DNAJC12: variants seen among roughly 807,000 people sequenced by gnomAD.
DNAJC12 encodes the protein dnaJ homolog subfamily C member 12.
DNAJC12 carries 25 observed loss-of-function variants against 28.5 expected under a neutral mutation model. The observed-to-expected ratio is 0.88, with a 90% CI of 0.64 to 1.22. DNAJC12 has a LOEUF of 1.22. DNAJC12 is among the 50% of genes most tolerant of loss of function. The probability of loss-of-function intolerance (pLI) is 0.00; values close to 1 mark genes in which losing one functional copy is unlikely to be tolerated. For missense variants in DNAJC12, 222 were observed against 231.7 expected, an observed-to-expected ratio of 0.96 and a Z score of 0.27; for synonymous variants, 77 against 80.6, an observed-to-expected ratio of 0.95 and a Z score of 0.24.
intron 2 of DNAJC12, among the ~76,000 whole-genome samples, chr10:67,817,773 G>A (rs1295457274): frequency 2.0e-5 from 3 of 151,994 alleles, no homozygotes; most frequent in Admixed American, 2.0e-4. Context: ...GGCTACTCAA[G>A]AGGCTGAGGC....
chr10:67,803,785 T>G (rs1841772439), intron 4 of DNAJC12, among the ~76,000 whole-genome samples: 1 of 152,260 alleles, frequency 6.6e-6, no homozygotes, highest in South Asian at 2.1e-4. Flanking sequence ...TGTGTTTGCT[T>G]AAAACACTGT....
chr10:67,804,312 T>TCTCCC (rs1841777623), intron 4 of DNAJC12, among the ~76,000 whole-genome samples: 1 of 152,176 alleles, frequency 6.6e-6, no homozygotes, highest in African/African-American at 2.4e-5. Flanking sequence ...TTTTTATGTA[T>TCTCCC]CTCCCCATTT....
intron 2 of DNAJC12, among the ~76,000 whole-genome samples, chr10:67,817,619 G>A (rs1841928432): frequency 6.6e-6 from 1 of 152,114 alleles, no homozygotes; most frequent in African/African-American, 2.4e-5. Context: ...GCTCACTCCT[G>A]TAATCCCAGC....
intron 2 of DNAJC12, among the ~76,000 whole-genome samples, chr10:67,819,321 C>T (rs1295428500): frequency 9.4e-5 from 14 of 149,428 alleles, no homozygotes; most frequent in East Asian, 6.1e-4. Flanking sequence ...GGCGACAGAG[C>T]GAGAAGCCGT....
At chr10:67,798,040 A>G (rs1395735220) in intron 4 of DNAJC12, among the ~76,000 whole-genome samples, 1 of 124,252 alleles carries the variant, frequency 8.0e-6, no homozygotes, top group Non-Finnish European at 1.6e-5. Flanking sequence ...ATTCTGTCTC[A>G]GAAAAAAAAA....
intron 2 of DNAJC12, among the ~76,000 whole-genome samples, chr10:67,820,584 T>C (rs1306021955): frequency 6.6e-6 from 1 of 152,048 alleles, no homozygotes; most frequent in African/African-American, 2.4e-5. Flanking sequence ...TATTTGCTCA[T>C]AGTACCTTAA....
chr10:67,817,953 A>G (rs1171225402), intron 2 of DNAJC12, among the ~76,000 whole-genome samples: 2 of 152,198 alleles, frequency 1.3e-5, no homozygotes, highest in Admixed American at 1.3e-4. Context: ...CTGTAATCCC[A>G]GCACTTTGGG....
In DNAJC12 at chr10:67,797,120, A is replaced by G; in HGVS notation, c.593T>C (p.Ile198Thr). 2 of 1,612,690 alleles carry G rather than the reference A, an allele frequency of 1.2e-6. No homozygotes were observed. The highest frequency in any genetic ancestry group is 1.7e-6 in the Non-Finnish European group (2 of 1,179,126). Residue 198 changes from isoleucine to threonine, a missense_variant, in exon 5 of 5, where the codon ATA (isoleucine) becomes ACA (threonine). Physicochemically the swap from Ile to Thr is moderately conservative, Grantham distance 89 (BLOSUM62 -1). Coordinates refer to ENST00000225171, the MANE Select transcript of DNAJC12 (RefSeq NM_021800.3). ...ATTTTTTGAAGCAGAGATATTTCAT[A>G]TTTCATAGTTTCTGAACTTCCTCAG... Reference protein sequence around the residue: ...ELLRKFRNYEI With the variant: ...ELLRKFRNYET
chr10:67,812,784 A>G (rs1250389145), intron 2 of DNAJC12, among the ~76,000 whole-genome samples: 1 of 151,382 alleles, frequency 6.6e-6, no homozygotes, highest in Middle Eastern at 3.2e-3. Context: ...CCTGGGAGGC[A>G]GAGGTTGCAG....
chr10:67,819,780 GGAAGGAAGGAAGGA>G (rs1841965034), intron 2 of DNAJC12, among the ~76,000 whole-genome samples: 1 of 1,496 alleles, frequency 6.7e-4, no homozygotes, highest in Non-Finnish European at 4.3e-3. Flanking sequence ...GGAAGGAAGG[GGAAGGAAGGAAGGA>G]AGGAAGGAAG....
At chr10:67,820,050 G>A (rs1841967987) in intron 2 of DNAJC12, among the ~76,000 whole-genome samples, 1 of 152,174 alleles carries the variant, frequency 6.6e-6, no homozygotes, top group African/African-American at 2.4e-5. Context: ...CCCAACTGAT[G>A]GTCAGCTGAG....
At chr10:67,820,978 T>A (rs1841976168) in intron 2 of DNAJC12, among the ~76,000 whole-genome samples, 1 of 151,752 alleles carries the variant, frequency 6.6e-6, no homozygotes, top group African/African-American at 2.4e-5. Context: ...AGACACAGTT[T>A]CTCCATGTTG....
chr10:67,831,841 T>A (rs536297627), intron 1 of DNAJC12, among the ~76,000 whole-genome samples: 1 of 152,250 alleles, frequency 6.6e-6, no homozygotes, highest in Non-Finnish European at 1.5e-5. Context: ...TACTTGATCA[T>A]AGACTGACAG....
At chr10:67,807,955 C>T (rs1841819605) in intron 3 of DNAJC12, among the ~76,000 whole-genome samples, 1 of 152,158 alleles carries the variant, frequency 6.6e-6, no homozygotes, top group South Asian at 2.1e-4. Context: ...AAGAAATATC[C>T]AAACTGTATC....
chr10:67,830,158 A>G (rs1306760283), intron 1 of DNAJC12, among the ~76,000 whole-genome samples: 1 of 151,996 alleles, frequency 6.6e-6, no homozygotes, highest in African/African-American at 2.4e-5. Context: ...TGTCTCTACT[A>G]AAAATTAAAA....
chr10:67,831,504 A>C (rs7918428), intron 1 of DNAJC12, among the ~76,000 whole-genome samples: 111,119 of 152,082 alleles, frequency 0.73, 41,384 homozygotes, highest in Non-Finnish European at 0.8. Flanking sequence ...TTGGATGAAT[A>C]TTCTCCAAGA....
intron 2 of DNAJC12, among the ~76,000 whole-genome samples, chr10:67,818,338 T>C (rs905595352): frequency 2.0e-5 from 3 of 152,220 alleles, no homozygotes; most frequent in Non-Finnish European, 4.4e-5. Flanking sequence ...AAACAACCTC[T>C]ACCCAAAGGT....
chr10:67,812,726 C>T (rs940482753), intron 2 of DNAJC12, among the ~76,000 whole-genome samples: 35 of 150,628 alleles, frequency 2.3e-4, no homozygotes, highest in East Asian at 1.6e-3. Context: ...TGGTGGCAGG[C>T]GCCTGTATTC....
intron 2 of DNAJC12, among the ~76,000 whole-genome samples, chr10:67,819,660 GAGAAAGAA>G (rs60688341): frequency 0.03 from 1,043 of 34,618 alleles, 88 homozygotes; most frequent in East Asian, 0.12. Flanking sequence ...AAGAAAGAAA[GAGAAAGAA>G]AGAAAGAAAG....
Sources: gnomAD v4.1 joint callset for allele counts (sites outside exome capture counted in the v4.1 genomes callset) on GRCh38, gnomAD v4.1.1 for gene constraint, MANE v1.5 for transcripts, NCBI Gene and HGNC (gene_info 2026-07-23, HGNC 2026-07-21) for gene names.